The following INCA1 variants were observed in gnomAD, a reference collection of about 807,000 sequenced individuals.
The protein encoded by INCA1 is protein INCA1.
In INCA1, 28 loss-of-function variants were observed where a neutral mutation model predicts 25.7. The ratio of observed to expected loss-of-function variants is 1.09; its 90% confidence interval spans 0.81 to 1.49. The LOEUF is 1.49. Among genes scored for constraint, INCA1 ranks in the 40% most tolerant of loss-of-function variants. The pLI, the probability that INCA1 is intolerant of heterozygous loss-of-function variation, is 0.00. For synonymous variants in INCA1, 111 were observed against 103.6 expected (o/e 1.07, Z -0.43); for missense variants, 309 against 290.9 (o/e 1.06, Z -0.45).
At chr17:4,994,891 G>GA (rs200827943) in intron 1 of INCA1, among the ~76,000 whole-genome samples, 2,320 of 151,286 alleles carry the variant, frequency 0.015, 31 homozygotes, top group Non-Finnish European at 0.023. Flanking sequence ...TATGGATGCT[G>GA]AAAAAAGAGA....
Position 4,988,937 on chromosome 17 carries a change from TC to T in INCA1, c.402del (p.Lys135ArgfsTer112), listed in dbSNP as rs1489299220. The T allele has an allele frequency of 6.2e-7, 1 of 1,613,712 alleles. No individual in the cohort carries two copies. The highest frequency in any genetic ancestry group is 2.2e-5 in the East Asian group (1 of 44,864). On this transcript the variant is annotated frameshift_variant, in exon 6 of 7. Transcript: ENST00000576820. LOFTEE classifies it high-confidence loss of function. ...GCCCCAGAGCTGCCCCACTGGGCCT[TC>T]TTCAGTCTGTGGAGACTTTAGGCTG...
downstream of INCA1, chr17:4,988,202 A>C (rs1973495019): frequency 2.0e-6 from 1 of 509,138 alleles, no homozygotes; most frequent in Non-Finnish European, 3.4e-6. Flanking sequence ...GGAAAACAGG[A>C]CTTGGGGTGC....
Position 4,994,495 on chromosome 17 carries a change from G to T in INCA1, c.-38-20C>A. The T allele has an allele frequency of 3.1e-6, 5 of 1,588,698 alleles. No homozygotes were observed. Among genetic ancestry groups the T allele is most frequent in the East Asian group, 2.2e-5 (1 of 44,658 alleles). On this transcript the variant is annotated intron_variant, in intron 1 of 6. Transcript: ENST00000576820. ...TTGGTGCTGGGAGGATAATGGAAAA[G>T]AAGTCATTCATTCGGGCTGGATGTG... is the stretch of plus-strand genomic sequence containing the variant.
At chr17:4,989,780 C>T in intron 4 of INCA1, 110 bp downstream of exon 4, 2 of 1,570,884 alleles carry the variant, frequency 1.3e-6, no homozygotes, top group Non-Finnish European at 1.8e-6. Flanking sequence ...CTGGTCAGTG[C>T]ACTGGTTGGG....
At chr17:4,992,416 G>C (rs1425909925) in intron 2 of INCA1, among the ~76,000 whole-genome samples, 1 of 151,828 alleles carries the variant, frequency 6.6e-6, no homozygotes, top group East Asian at 1.9e-4. Flanking sequence ...CTGAGTGCTG[G>C]GACTACAGGC....
chr17:4,988,780 TG>T lies in INCA1; in HGVS notation c.559del (p.Gln187SerfsTer60). On this transcript the variant is annotated frameshift_variant and splice_region_variant, in exon 6 of 7. Coordinates refer to ENST00000576820, the Ensembl canonical transcript of INCA1. LOFTEE classifies it low-confidence loss of function (END_TRUNC). ...CACCCAGTTCCACTCCAACAATACC[TG>T]GGCCCTGCCAGGAGTGAGAAAACGG... The T allele has an allele frequency of 6.2e-7, 1 of 1,614,132 alleles. No individual in the cohort carries two copies. The highest frequency in any genetic ancestry group is 1.1e-5 in the South Asian group (1 of 91,086).
At chr17:4,989,054 G>T in intron 5 of INCA1, 110 bp from the exon 6 acceptor site, 1 of 1,213,750 alleles carries the variant, frequency 8.2e-7, no homozygotes, top group Non-Finnish European at 1.1e-6. Flanking sequence ...CCAGGGAGTT[G>T]TCATTTGACC....
chr17:4,994,075 T>C (rs1171471840), intron 2 of INCA1, among the ~76,000 whole-genome samples: 1 of 151,910 alleles, frequency 6.6e-6, no homozygotes, highest in Non-Finnish European at 1.5e-5. Flanking sequence ...CCTGGCCCAC[T>C]GTTTTATGTT....
In INCA1 at chr17:4,989,557, C is replaced by T. The variant is rs1473063969; in HGVS notation, c.266G>A (p.Trp89Ter). 1.2e-6 allele frequency: 2 copies of T among 1,614,232 alleles called. No homozygotes were observed. The highest frequency in any genetic ancestry group is 2.2e-5 in the South Asian group (2 of 91,086). ...ACATGGCCTCCTCTTCTTTCTTCTC[C>T]AAAGCATTTCAGGGGGTGGGAGCTG... The change falls in exon 5 of 7, where the codon TGG becomes TAG. Residue 89 changes from tryptophan (W) to a stop codon, truncating the protein, a stop_gained. Transcript: ENST00000576820. LOFTEE classifies it high-confidence loss of function.
intron 4 of INCA1, 33 bp downstream of exon 4, chr17:4,989,857 G>A (rs1356999837): frequency 6.2e-7 from 1 of 1,613,996 alleles, no homozygotes; most frequent in African/African-American, 1.3e-5. Flanking sequence ...AATTTTAACA[G>A]AGAAATGTTA....
chr17:4,988,490 G>T (rs778851278), exon 7 of INCA1: 1 of 1,614,142 alleles, frequency 6.2e-7, no homozygotes, highest in Non-Finnish European at 8.5e-7. Flanking sequence ...CGAGGCCAGA[G>T]AGTGCAGCTG....
At chr17:4,995,492 T>C (rs1974177820) in intron 1 of INCA1, among the ~76,000 whole-genome samples, 1 of 151,842 alleles carries the variant, frequency 6.6e-6, no homozygotes, top group African/African-American at 2.4e-5. Context: ...CTATGAGTGG[T>C]TAGTGAAAGT....
chr17:4,993,474 G>A (rs991840310), intron 2 of INCA1, among the ~76,000 whole-genome samples: 1 of 151,872 alleles, frequency 6.6e-6, no homozygotes, highest in East Asian at 2.0e-4. Flanking sequence ...CATTGGGCCC[G>A]GCCTTTTTTT....
At position 4,990,814 on chromosome 17, in the gene INCA1, A is replaced by T. The variant is rs549134346; in HGVS notation, c.45-549T>A. Among the ~76,000 whole-genome samples the T allele has an allele frequency of 7.4e-5, 11 of 148,570 alleles. No individual in the cohort carries two copies. The East Asian group carries it at 2.2e-3, about 30-fold the overall frequency. ...AGGAGAATCACTTGAACCCGGGAGG[A>T]GGAGGTTGCAGTGAGTCGAAATCGC... On this transcript the variant is annotated intron_variant, in intron 2 of 6. Coordinates refer to ENST00000576820, the Ensembl canonical transcript of INCA1.
intron 2 of INCA1, among the ~76,000 whole-genome samples, chr17:4,992,084 A>G (rs1177097552): frequency 6.6e-6 from 1 of 152,238 alleles, no homozygotes; most frequent in Admixed American, 6.5e-5. Flanking sequence ...ATAGGGGGCT[A>G]GATGGGTATA....
chr17:4,996,115 T>G (rs188522603), intron 1 of INCA1, among the ~76,000 whole-genome samples: 1 of 152,076 alleles, frequency 6.6e-6, no homozygotes, highest in Admixed American at 6.5e-5. Context: ...CTGGGCACAC[T>G]GGCTCACGCC....
intron 2 of INCA1, among the ~76,000 whole-genome samples, chr17:4,992,800 CTT>C (rs1264048920): frequency 6.7e-6 from 1 of 149,878 alleles, no homozygotes; most frequent in Non-Finnish European, 1.5e-5. Flanking sequence ...GACTCAAACT[CTT>C]GGGCTCAAGC....
At chr17:4,994,951 A>T (rs1974135794) in intron 1 of INCA1, among the ~76,000 whole-genome samples, 1 of 152,212 alleles carries the variant, frequency 6.6e-6, no homozygotes, top group Non-Finnish European at 1.5e-5. Context: ...TATGCCTGTA[A>T]TCCCAGCCCT....
Position 4,989,626 on chromosome 17 carries a change from T to G in INCA1, c.199-2A>C. The G allele has an allele frequency of 6.2e-7, 1 of 1,612,668 alleles. No individual in the cohort carries two copies. The highest frequency in any genetic ancestry group is 8.5e-7 in the Non-Finnish European group (1 of 1,179,062). On this transcript the variant is annotated splice_acceptor_variant, in intron 4 of 6. Coordinates refer to ENST00000576820, the Ensembl canonical transcript of INCA1. LOFTEE classifies it high-confidence loss of function. Reference sequence around the variant, plus strand: ...AAGCTGGGAGCAACCAGTGGCTCTCTGTGCCAGAGAATGGGGAAAAAGAGC... The same window carrying G: ...AAGCTGGGAGCAACCAGTGGCTCTCGGTGCCAGAGAATGGGGAAAAAGAGC...
Sources: allele counts gnomAD v4.1 joint callset (sites outside exome capture counted in the v4.1 genomes callset), GRCh38; gene constraint gnomAD v4.1.1; transcripts MANE v1.5; gene names NCBI Gene and HGNC (gene_info 2026-07-23, HGNC 2026-07-21).